MCC: variants seen among roughly 807,000 people sequenced by gnomAD.
MCC encodes the protein colorectal mutant cancer protein.
MCC carries 90 observed loss-of-function variants against 116.2 expected under a neutral mutation model. The ratio of observed to expected loss-of-function variants is 0.77; its 90% CI spans 0.65 to 0.92. MCC has a LOEUF of 0.92. MCC is among the 40% of genes least tolerant of loss of function. MCC has a pLI of 0.00. For missense variants in MCC, 1,516 were observed against 1,312.2 expected, an observed-to-expected ratio of 1.16 and a Z score of -2.40; for synonymous variants, 578 against 510.5, an observed-to-expected ratio of 1.13 and a Z score of -1.78.
intron 3 of MCC, among the ~76,000 whole-genome samples, chr5:113,205,942 C>A (rs1341174451): frequency 6.6e-6 from 1 of 152,212 alleles, no homozygotes; most frequent in African/African-American, 2.4e-5. Context: ...AGAGATGGGT[C>A]CTTTCCTGTT....
At chr5:113,137,374 G>A (rs1189990876) in intron 5 of MCC, among the ~76,000 whole-genome samples, 2 of 152,116 alleles carry the variant, frequency 1.3e-5, no homozygotes, top group East Asian at 1.9e-4. Context: ...ATATCAATAT[G>A]TTCCTTTTGT....
intron 14 of MCC, among the ~76,000 whole-genome samples, chr5:113,059,356 G>T (rs769661060): frequency 1.3e-5 from 2 of 152,168 alleles, no homozygotes; most frequent in Non-Finnish European, 2.9e-5. Flanking sequence ...GTTTCACTGC[G>T]GAATATGATT....
Position 113,434,710 on chromosome 5 carries a change from C to T in MCC, c.171-49498G>A, listed in dbSNP as rs371539722. 9.9e-6 allele frequency: 16 copies of T among 1,613,980 alleles called. No individual in the cohort carries two copies. Among genetic ancestry groups the T allele is most frequent in the Non-Finnish European group, 1.4e-5 (16 of 1,179,938 alleles). On this transcript the variant is annotated intron_variant, in intron 1 of 18. Transcript: ENST00000408903. This position sits in a 1 kb window ranked among gnomAD's most constrained non-coding sequence, Gnocchi z 4.2. Reference sequence around the variant, plus strand: ...AAGTCTGCGGGGGCCTTCTTGCGGTCGATGATCTTGATCGCCACATTGAAC... The same window carrying T: ...AAGTCTGCGGGGGCCTTCTTGCGGTTGATGATCTTGATCGCCACATTGAAC...
At chr5:113,210,691 A>G (rs988648705) in intron 3 of MCC, among the ~76,000 whole-genome samples, 1 of 152,222 alleles carries the variant, frequency 6.6e-6, no homozygotes, top group Non-Finnish European at 1.5e-5. Flanking sequence ...GATACCAGGG[A>G]AGCTCCCTAA....
At chr5:113,382,388 A>G (rs933930955) in intron 2 of MCC, among the ~76,000 whole-genome samples, 7 of 151,262 alleles carry the variant, frequency 4.6e-5, no homozygotes, top group Non-Finnish European at 1.0e-4. Flanking sequence ...CCTCCATATC[A>G]GCCTCCTGAG....
At chr5:113,234,428 C>T (rs1764057142) in intron 3 of MCC, 1 of 152,156 alleles carries the variant, frequency 6.6e-6, no homozygotes, top group Non-Finnish European at 1.5e-5. Context: ...AAAATGCAAT[C>T]AGCCTTACCA....
At chr5:113,384,590 G>A (rs1443829719) in intron 2 of MCC, among the ~76,000 whole-genome samples, 5 of 151,848 alleles carry the variant, frequency 3.3e-5, no homozygotes, top group Non-Finnish European at 7.4e-5. Context: ...TCCGTCCCCC[G>A]CCCCCCAAAA....
intron 1 of MCC, among the ~76,000 whole-genome samples, chr5:113,418,364 C>T (rs1428261506): frequency 1.3e-5 from 2 of 151,674 alleles, no homozygotes; most frequent in Non-Finnish European, 2.9e-5. Flanking sequence ...AAAATGAATT[C>T]ATTCATTGTG....
At chr5:113,127,283 G>C (rs747500136) in intron 5 of MCC, among the ~76,000 whole-genome samples, 2 of 152,160 alleles carry the variant, frequency 1.3e-5, no homozygotes, top group Non-Finnish European at 2.9e-5. Context: ...CCATGTCTTT[G>C]CTATTGTGAA....
chr5:113,135,274 GC>G (rs1279369086), intron 5 of MCC, among the ~76,000 whole-genome samples: 2 of 148,692 alleles, frequency 1.3e-5, no homozygotes, highest in Non-Finnish European at 3.0e-5. Context: ...ATTCTTAGGG[GC>G]CGGGCACAGT....
At chr5:113,259,475 C>T (rs1435492403) in intron 3 of MCC, among the ~76,000 whole-genome samples, 1 of 152,044 alleles carries the variant, frequency 6.6e-6, no homozygotes. Flanking sequence ...TACCACACCC[C>T]TAAGTCATTT....
chr5:113,220,194 A>G (rs1763496460), intron 3 of MCC, among the ~76,000 whole-genome samples: 1 of 134,326 alleles, frequency 7.4e-6, no homozygotes, highest in Non-Finnish European at 1.7e-5. Context: ...AGTAGCTGGG[A>G]TTACAGGCGC....
chr5:113,402,151 C>T (rs1456374001), intron 1 of MCC, among the ~76,000 whole-genome samples: 1 of 151,912 alleles, frequency 6.6e-6, no homozygotes, highest in Non-Finnish European at 1.5e-5. Flanking sequence ...AAAATTAGCC[C>T]GACGTAGTGG....
At chr5:113,423,241 G>C (rs746849462) in intron 1 of MCC, among the ~76,000 whole-genome samples, 6 of 152,148 alleles carry the variant, frequency 3.9e-5, no homozygotes, top group Non-Finnish European at 7.3e-5. Flanking sequence ...CAGTGCTGAA[G>C]GGCTGTCTGG....
chr5:113,093,098 G>A (rs1755758870), intron 8 of MCC, among the ~76,000 whole-genome samples: 1 of 152,162 alleles, frequency 6.6e-6, no homozygotes, highest in South Asian at 2.1e-4. Context: ...GGCGACAGCA[G>A]AGTAACATTT....
intron 3 of MCC, among the ~76,000 whole-genome samples, chr5:113,265,376 A>C (rs1361768903): frequency 6.6e-6 from 1 of 152,176 alleles, no homozygotes; most frequent in Non-Finnish European, 1.5e-5. Flanking sequence ...CTATGACGTC[A>C]CAGAATGAAC....
chr5:113,096,671 T>C (rs777535608), intron 8 of MCC, among the ~76,000 whole-genome samples: 1 of 152,124 alleles, frequency 6.6e-6, no homozygotes, highest in Non-Finnish European at 1.5e-5. Context: ...AGCCTTTGAG[T>C]GGGCTCTTAG....
At chr5:113,464,614 T>TTC (rs33965040) in intron 1 of MCC, among the ~76,000 whole-genome samples, 109,710 of 151,912 alleles carry the variant, frequency 0.72, 40,062 homozygotes, top group East Asian at 0.88. Flanking sequence ...TGCTTTGTTT[T>TTC]TGTTTATTTA....
At chr5:113,285,243 C>T (rs531268720) in intron 3 of MCC, among the ~76,000 whole-genome samples, 1 of 152,252 alleles carries the variant, frequency 6.6e-6, no homozygotes, top group Admixed American at 6.5e-5. Flanking sequence ...ATCACTCTGC[C>T]CTCTTCTGAA....
Sources: allele counts gnomAD v4.1 joint callset (sites outside exome capture counted in the v4.1 genomes callset), GRCh38; gene constraint gnomAD v4.1.1; non-coding constraint Gnocchi (gnomAD v3.1); transcripts MANE v1.5; gene names NCBI Gene and HGNC (gene_info 2026-07-23, HGNC 2026-07-21).